Variants in SRPK2 observed in about 807,000 individuals in gnomAD.
SRPK2 encodes the protein SRSF protein kinase 2.
In SRPK2, 21 loss-of-function variants were observed where a neutral mutation model predicts 90.8. The observed-to-expected ratio is 0.23, with a 90% CI of 0.16 to 0.33. The LOEUF is 0.33. Among genes scored for constraint, SRPK2 ranks in the 10% least tolerant of loss-of-function variants. The pLI is 1.00. For missense variants in SRPK2, 620 were observed against 869.0 expected, an observed-to-expected ratio of 0.71 and a Z score of 3.60; for synonymous variants, 288 against 311.1, an observed-to-expected ratio of 0.93 and a Z score of 0.78.
At chr7:105,253,841 C>T (rs1002686715) in intron 2 of SRPK2, among the ~76,000 whole-genome samples, 1 of 151,922 alleles carries the variant, frequency 6.6e-6, no homozygotes, top group Non-Finnish European at 1.5e-5. Context: ...AATCATGAGG[C>T]CATGGTTGAA....
chr7:105,396,790 G>GA (rs1254756468), intron 1 of SRPK2, among the ~76,000 whole-genome samples: 1 of 118,830 alleles, frequency 8.4e-6, no homozygotes, highest in African/African-American at 3.0e-5. Context: ...GAGAAAGAAA[G>GA]AAAGAGAAAG....
chr7:105,159,466 A>AACAAAAAC (rs1554428677), intron 7 of SRPK2, among the ~76,000 whole-genome samples: 28 of 114,314 alleles, frequency 2.4e-4, no homozygotes, highest in African/African-American at 8.5e-4. Flanking sequence ...AAAAAAAAAA[A>AACAAAAAC]AAAAAAACCG....
chr7:105,241,371 T>C (rs1800797742), intron 2 of SRPK2, among the ~76,000 whole-genome samples: 1 of 152,186 alleles, frequency 6.6e-6, no homozygotes. Context: ...CTATTTGCCC[T>C]AGGTAAACAT....
chr7:105,298,554 G>A (rs888388029), intron 2 of SRPK2, among the ~76,000 whole-genome samples: 15 of 152,256 alleles, frequency 9.9e-5, no homozygotes, highest in Non-Finnish European at 1.0e-4. Context: ...ATTGTGAGAT[G>A]ACTGCTTGAG....
intron 15 of SRPK2, among the ~76,000 whole-genome samples, chr7:105,119,245 T>A (rs1799987334): frequency 6.6e-6 from 1 of 152,006 alleles, no homozygotes; most frequent in African/African-American, 2.4e-5. Flanking sequence ...CAATAGATAA[T>A]CAGTGCTCTG....
rs1814198355 is a variant in SRPK2, at chr7:105,330,639, A to G, written c.71+58009T>C. 3.3e-5 allele frequency among the ~76,000 whole-genome samples: 5 copies of G among 152,288 alleles called. No homozygotes were observed. In the South Asian group the frequency reaches 1.0e-3, roughly 32 times the overall value. The stretch of plus-strand genomic sequence containing the variant: ...AAGGGCATCCATACTTTACAGTAAG[A>G]AGGATTCTAAAACTGCACCCATGCC... On this transcript the variant is annotated intron_variant, in intron 2 of 15. Transcript: ENST00000393651.
intron 2 of SRPK2, among the ~76,000 whole-genome samples, chr7:105,381,965 C>T (rs1007955569): frequency 6.6e-5 from 10 of 152,072 alleles, no homozygotes; most frequent in African/African-American, 2.4e-4. Context: ...GCCAGGAGTT[C>T]GTAACCAGCC....
chr7:105,193,563 T>C (rs1171096362), intron 3 of SRPK2, among the ~76,000 whole-genome samples: 1 of 152,224 alleles, frequency 6.6e-6, no homozygotes, highest in Non-Finnish European at 1.5e-5. Context: ...TTTCTAGTTC[T>C]GTGAAGAATG....
intron 15 of SRPK2, among the ~76,000 whole-genome samples, chr7:105,122,517 G>T (rs1055431987): frequency 5.3e-5 from 8 of 152,162 alleles, no homozygotes; most frequent in African/African-American, 1.9e-4. Context: ...CCACGAAAGA[G>T]CTTTCTTTGC....
At chr7:105,147,246 T>C (rs1047532295) in intron 7 of SRPK2, among the ~76,000 whole-genome samples, 6 of 152,206 alleles carry the variant, frequency 3.9e-5, no homozygotes, top group African/African-American at 1.4e-4. Context: ...TATCATACAA[T>C]TGACCCCTTT....
Position 105,294,769 on chromosome 7 carries a change from G to A in SRPK2, c.72-90984C>T, listed in dbSNP as rs186949896. On this transcript the variant is annotated intron_variant, in intron 2 of 15. Coordinates refer to ENST00000393651, the MANE Select transcript of SRPK2 (RefSeq NM_182692.3). ...ACGAACTCCTGACCTCAACTGATCTGCCCACCTTGGCCTCCCAAAGAGCTG... is the reference window on the plus strand; with the variant it reads ...ACGAACTCCTGACCTCAACTGATCTACCCACCTTGGCCTCCCAAAGAGCTG... Among the ~76,000 whole-genome samples, 346 of 152,134 alleles carry A rather than the reference G, an allele frequency of 2.3e-3. 1 individual carries two copies. Among genetic ancestry groups the A allele is most frequent in the African/African-American group, 8.0e-3 (333 of 41,504 alleles).
At chr7:105,266,532 G>T (rs1367304039) in intron 2 of SRPK2, among the ~76,000 whole-genome samples, 1 of 152,138 alleles carries the variant, frequency 6.6e-6, no homozygotes, top group African/African-American at 2.4e-5. Flanking sequence ...CCCTGCTAAA[G>T]AAAGAAGTCA....
intron 2 of SRPK2, among the ~76,000 whole-genome samples, chr7:105,311,703 G>A (rs1373448418): frequency 6.6e-6 from 1 of 152,184 alleles, no homozygotes; most frequent in Non-Finnish European, 1.5e-5. Context: ...GTGTAGGCAA[G>A]GATGTAGAAA....
Position 105,117,783 on chromosome 7 carries a change from G to A in SRPK2, c.*55C>T, listed in dbSNP as rs1799770141. The stretch of plus-strand genomic sequence containing the variant: ...GTTAAAGAATGAGAGTCACCGTTTA[G>A]GTCCAATGTACTGGGAACATTTGCT... On this transcript the variant is annotated 3_prime_UTR_variant, in exon 16 of 16. Transcript: ENST00000393651. 1 of 1,570,928 alleles carries A rather than the reference G, an allele frequency of 6.4e-7. No individual in the cohort carries two copies. The highest frequency in any genetic ancestry group is 8.7e-7 in the Non-Finnish European group (1 of 1,145,112).
At chr7:105,223,863 T>C (rs1450484351) in intron 2 of SRPK2, among the ~76,000 whole-genome samples, 1 of 152,214 alleles carries the variant, frequency 6.6e-6, no homozygotes, top group Admixed American at 6.5e-5. Flanking sequence ...TTGAGACATA[T>C]TTCAGTTGTG....
intron 2 of SRPK2, among the ~76,000 whole-genome samples, chr7:105,320,104 G>A (rs942996053): frequency 4.0e-5 from 6 of 151,644 alleles, no homozygotes; most frequent in African/African-American, 1.2e-4. Flanking sequence ...TTCTCTTCAG[G>A]TGCATTGTCT....
chr7:105,291,890 T>C (rs1178296463), intron 2 of SRPK2, among the ~76,000 whole-genome samples: 2 of 152,244 alleles, frequency 1.3e-5, no homozygotes, highest in East Asian at 1.9e-4. Flanking sequence ...TATTTTATTA[T>C]TCTTTATGCT....
chr7:105,167,801 G>A (rs1790275205), intron 5 of SRPK2, among the ~76,000 whole-genome samples: 1 of 151,870 alleles, frequency 6.6e-6, no homozygotes, highest in Non-Finnish European at 1.5e-5. Flanking sequence ...AGCAGAGATG[G>A]GGTTTCACCG....
chr7:105,337,142 T>C lies in SRPK2; in HGVS notation c.71+51506A>G, dbSNP rs371968942. Among the ~76,000 whole-genome samples the C allele has an allele frequency of 2.9e-4, 44 of 152,036 alleles. 2 individuals are homozygous for C. The highest frequency in any genetic ancestry group is 7.5e-4 in the African/African-American group (31 of 41,492). Reference sequence around the variant, plus strand: ...AGAAAAATTATGTTAATTTTGTTGATTGTGATAATGCATTATGATTATGTA... The same window carrying C: ...AGAAAAATTATGTTAATTTTGTTGACTGTGATAATGCATTATGATTATGTA... On this transcript the variant is annotated intron_variant, in intron 2 of 15. Coordinates refer to ENST00000393651, the MANE Select transcript of SRPK2 (RefSeq NM_182692.3).
Sources: allele counts gnomAD v4.1 joint callset (sites outside exome capture counted in the v4.1 genomes callset), GRCh38; gene constraint gnomAD v4.1.1; transcripts MANE v1.5; gene names NCBI Gene and HGNC (gene_info 2026-07-23, HGNC 2026-07-21).